The following SULT2A1 variants were observed in gnomAD, a reference collection of about 807,000 sequenced individuals.
The protein encoded by SULT2A1 is sulfotransferase family 2A member 1.
Under a neutral mutation model 33.9 loss-of-function variants are expected in SULT2A1, and 43 were observed. The ratio of observed to expected loss-of-function variants is 1.27; its 90% CI spans 1.00 to 1.64. SULT2A1 has a LOEUF of 1.64. SULT2A1 is among the 40% of genes most tolerant of loss of function. The pLI is 0.00. For synonymous variants in SULT2A1, 125 were observed against 113.6 expected (o/e 1.10, Z -0.64); for missense variants, 300 against 335.1 (o/e 0.90, Z 0.82).
In SULT2A1 at chr19:47,886,167, C is replaced by T. The variant is rs1224724913; in HGVS notation, c.91G>A (p.Val31Met). The change falls in exon 1 of 6, where the codon GTG becomes ATG. Residue 31 changes from valine (V) to methionine (M), a missense_variant. Physicochemically the swap from Val to Met is conservative, Grantham distance 21. Coordinates refer to ENST00000222002, the MANE Select transcript of SULT2A1 (RefSeq NM_003167.4). ...ETLRKVRDEF[V>M]IRDEDVIILT... ...ATTATTACATCTTCATCCCTTATCA[C>T]GAACTCATCACGTACTTTTCTTAAG... 6.2e-6 allele frequency: 10 copies of T among 1,613,964 alleles called. No individual in the cohort carries two copies. The highest frequency in any genetic ancestry group is 2.2e-5 in the East Asian group (1 of 44,886).
In SULT2A1 at chr19:47,881,946, G is replaced by A. The variant is rs570881351; in HGVS notation, c.472+138C>T. 105 of 1,105,806 alleles carry A rather than the reference G, an allele frequency of 9.5e-5. 1 individual carries two copies. In the South Asian group the frequency reaches 1.3e-3, roughly 14 times the overall value. The allele number at this position is 1,105,806 out of a possible 1,614,324, so 68.5% of individuals were successfully genotyped here. ...TCTGCTGCTATGCGGGAGAGTAAGCGAACTTAGCAGGTTTGGCCTCCAGGG... is the reference window on the plus strand; with the variant it reads ...TCTGCTGCTATGCGGGAGAGTAAGCAAACTTAGCAGGTTTGGCCTCCAGGG... On this transcript the variant is annotated intron_variant, in intron 3 of 5. Coordinates refer to ENST00000222002, the MANE Select transcript of SULT2A1 (RefSeq NM_003167.4).
Position 47,875,707 on chromosome 19 carries a change from C to T in SULT2A1, c.568-873G>A, listed in dbSNP as rs1369042259. 2.6e-5 allele frequency among the ~76,000 whole-genome samples: 4 copies of T among 152,216 alleles called. No individual in the cohort carries two copies. In the South Asian group the frequency reaches 8.3e-4, roughly 32 times the overall value. ...AAACCACAAAAGATGCAAGGATCAT[C>T]GTGGATTTTCCCGTATGGTAGAGTT... On this transcript the variant is annotated intron_variant, in intron 4 of 5. Coordinates refer to ENST00000222002, the MANE Select transcript of SULT2A1 (RefSeq NM_003167.4).
chr19:47,885,942 C>T (rs1192078912), intron 1 of SULT2A1, among the ~76,000 whole-genome samples, 180 bp downstream of exon 1: 1 of 152,172 alleles, frequency 6.6e-6, no homozygotes, highest in African/African-American at 2.4e-5. Context: ...TCTGAACACT[C>T]ATCCTACTGT....
chr19:47,874,151 C>A (rs541297967), intron 5 of SULT2A1, among the ~76,000 whole-genome samples: 1 of 152,260 alleles, frequency 6.6e-6, no homozygotes, highest in South Asian at 2.1e-4. Flanking sequence ...CGGGCGGAAC[C>A]AATTTTCCCC....
chr19:47,883,494 T>G, intron 2 of SULT2A1, 83 bp downstream of exon 2: 1 of 1,371,494 alleles, frequency 7.3e-7, no homozygotes, highest in Non-Finnish European at 1.0e-6. Context: ...AGAATGCATT[T>G]CAGCAAGATC....
chr19:47,874,145 C>A (rs181564663), intron 5 of SULT2A1, among the ~76,000 whole-genome samples: 15 of 152,108 alleles, frequency 9.9e-5, no homozygotes, highest in South Asian at 2.1e-4. Context: ...CCTTCCCGGG[C>A]GGAACCAATT....
Position 47,874,834 on chromosome 19 carries a change from C to G in SULT2A1, c.568G>C (p.Asp190His). 6.2e-7 allele frequency: 1 copy of G among 1,610,688 alleles called. No homozygotes were observed. The highest frequency in any genetic ancestry group is 1.3e-5 in the African/African-American group (1 of 74,658). The change falls in exon 5 of 6, where the codon GAC becomes CAC. Residue 190 changes from aspartate (D) to histidine (H), a missense_variant and splice_region_variant. Physicochemically the swap from Asp to His is moderately conservative, Grantham distance 81. Transcript: ENST00000222002. ...LLLSYEELKQ[D>H]TGRTIEKICQ... ...ATCTTCTCTATGGTTCTTCCTGTGT[C>G]CTAAAAAAGAAAAATCAAGAGAGAG...
rs968590246 is a variant in SULT2A1 at position 47,880,578 on chromosome 19, A to G, written c.473-1448T>C. On this transcript the variant is annotated intron_variant, in intron 3 of 5. Transcript: ENST00000222002. The stretch of plus-strand genomic sequence containing the variant: ...TATGGAATACATTATTATTATTATT[A>G]TTATTATTATTATTATTATTATTAT... 1.0e-4 allele frequency among the ~76,000 whole-genome samples: 4 copies of G among 40,114 alleles called. No individual in the cohort carries two copies. The East Asian group carries it at 6.5e-3, about 65-fold the overall frequency. 26.3% of individuals were successfully genotyped at this position (40,114 alleles called of 152,430 possible). A position where few individuals can be genotyped will look rare whatever the true frequency, so the allele number is the denominator to read the frequency against.
intron 3 of SULT2A1, 77 bp downstream of exon 3, chr19:47,882,007 G>T (rs1366371082): frequency 6.3e-7 from 1 of 1,581,152 alleles, no homozygotes; most frequent in Admixed American, 1.9e-5. Context: ...TTGGTGAGAT[G>T]TAGAGATGTG....
rs10676904 is a variant in SULT2A1 at position 47,877,078 on chromosome 19, T to TA, written c.567+1957dup. ...GGCGACAGAGCAAGACTCCACCTCA[T>TA]AAAAAAAAAAAAAAAAGAAATTCAT... On this transcript the variant is annotated intron_variant, in intron 4 of 5. Coordinates refer to ENST00000222002, the MANE Select transcript of SULT2A1 (RefSeq NM_003167.4). 4.4e-3 allele frequency among the ~76,000 whole-genome samples: 540 copies of TA among 123,276 alleles called. 12 individuals are homozygous for TA. Among genetic ancestry groups the TA allele is most frequent in the Middle Eastern group, 9.1e-3 (2 of 220 alleles). The allele number at this position is 123,276 out of a possible 152,430, so 80.9% of individuals were successfully genotyped here.
chr19:47,876,010 A>G (rs62531042), intron 4 of SULT2A1, among the ~76,000 whole-genome samples: 187 of 152,130 alleles, frequency 1.2e-3, no homozygotes, highest in African/African-American at 4.1e-3. Context: ...TTTATTTTTA[A>G]AATTTTATTT....
At chr19:47,878,586 G>A (rs1053799076) in intron 4 of SULT2A1, among the ~76,000 whole-genome samples, 15 of 146,066 alleles carry the variant, frequency 1.0e-4, no homozygotes, top group Non-Finnish European at 1.9e-4. Flanking sequence ...TTGGCATATC[G>A]GCTCACTGCA....
chr19:47,878,074 C>T (rs535891379), intron 4 of SULT2A1, among the ~76,000 whole-genome samples: 5 of 152,332 alleles, frequency 3.3e-5, no homozygotes, highest in South Asian at 2.1e-4. Flanking sequence ...GCCCTCTCAA[C>T]GCTTGGTTAT....
chr19:47,877,398 C>T (rs549330208), intron 4 of SULT2A1, among the ~76,000 whole-genome samples: 1 of 151,424 alleles, frequency 6.6e-6, no homozygotes, highest in South Asian at 2.1e-4. Context: ...AACACCACGC[C>T]TGGCTAATTT....
intron 4 of SULT2A1, among the ~76,000 whole-genome samples, chr19:47,875,510 C>T (rs1968535803): frequency 6.6e-6 from 1 of 151,728 alleles, no homozygotes; most frequent in South Asian, 2.1e-4. Flanking sequence ...TGGTGGCGCA[C>T]AGCTGTGGTA....
intron 4 of SULT2A1, among the ~76,000 whole-genome samples, chr19:47,877,873 C>T (rs529331544): frequency 6.6e-6 from 1 of 152,290 alleles, no homozygotes; most frequent in East Asian, 1.9e-4. Context: ...TCAATACTTG[C>T]TGGTTCTGAG....
intron 1 of SULT2A1, among the ~76,000 whole-genome samples, chr19:47,884,682 G>A (rs999334011): frequency 6.6e-6 from 1 of 151,716 alleles, no homozygotes; most frequent in African/African-American, 2.4e-5. Flanking sequence ...TTATTGTAGA[G>A]ATCAGGCCTT....
chr19:47,879,103 A>G lies in SULT2A1; in HGVS notation c.500T>C (p.Ile167Thr). ...TVLYGSWFDHIHGWMPMREEK... is the reference protein window; with the variant it reads ...TVLYGSWFDHTHGWMPMREEK... The stretch of plus-strand genomic sequence containing the variant: ...CTCTCTCATGGGCATCCAGCCATGA[A>G]TGTGGTCAAACCATGACCCATATAG... The change falls in exon 4 of 6, where the codon ATT (isoleucine) becomes ACT (threonine). Residue 167 changes from isoleucine (I) to threonine (T), a missense_variant. Ile to Thr is a moderately conservative substitution (Grantham distance 89). Coordinates refer to ENST00000222002, the MANE Select transcript of SULT2A1 (RefSeq NM_003167.4). 6.2e-7 allele frequency: 1 copy of G among 1,613,846 alleles called. No homozygotes were observed. The highest frequency in any genetic ancestry group is 8.5e-7 in the Non-Finnish European group (1 of 1,179,750).
chr19:47,881,626 A>G (rs1339517978), intron 3 of SULT2A1, among the ~76,000 whole-genome samples: 1 of 152,124 alleles, frequency 6.6e-6, no homozygotes, highest in Non-Finnish European at 1.5e-5. Flanking sequence ...AAAGTACTGA[A>G]AAAGCCCAGG....
Sources: gnomAD v4.1 joint callset for allele counts (sites outside exome capture counted in the v4.1 genomes callset) on GRCh38, gnomAD v4.1.1 for gene constraint, MANE v1.5 for transcripts, NCBI Gene and HGNC (gene_info 2026-07-23, HGNC 2026-07-21) for gene names.